ADAMTS16: variants seen among roughly 807,000 people sequenced by gnomAD.
The protein encoded by ADAMTS16 is ADAM metallopeptidase with thrombospondin type 1 motif 16.
ADAMTS16 carries 94 observed loss-of-function variants against 145.8 expected under a neutral mutation model. The observed-to-expected ratio is 0.64, with a 90% CI of 0.55 to 0.77. The LOEUF is 0.77. ADAMTS16 is among the 30% of genes least tolerant of loss of function. ADAMTS16 has a pLI of 0.00. For missense variants in ADAMTS16, 1,585 were observed against 1,591.5 expected (o/e 1.00, Z 0.07); for synonymous variants, 659 against 604.3 (o/e 1.09, Z -1.33).
At chr5:5,222,329 A>ATGGT (rs1247790302) in intron 10 of ADAMTS16, among the ~76,000 whole-genome samples, 11 of 151,700 alleles carry the variant, frequency 7.3e-5, no homozygotes, top group African/African-American at 2.4e-4. Context: ...GGATGGATGG[A>ATGGT]TGGATGGATG....
intron 2 of ADAMTS16, among the ~76,000 whole-genome samples, chr5:5,143,513 A>C (rs1340124680): frequency 1.3e-5 from 2 of 152,212 alleles, no homozygotes; most frequent in South Asian, 2.1e-4. Flanking sequence ...AAATAGGAAC[A>C]CTTTTACACA....
intron 21 of ADAMTS16, among the ~76,000 whole-genome samples, chr5:5,314,677 C>T (rs546317132): frequency 6.6e-6 from 1 of 152,280 alleles, no homozygotes; most frequent in East Asian, 1.9e-4. Flanking sequence ...AATGTGGAAG[C>T]TTTTCTCCCC....
chr5:5,309,340 C>T (rs1214703304), intron 21 of ADAMTS16, among the ~76,000 whole-genome samples: 1 of 151,762 alleles, frequency 6.6e-6, no homozygotes, highest in African/African-American at 2.4e-5. Flanking sequence ...ATTTTTTTTT[C>T]AAATATTTTT....
chr5:5,218,376 C>T (rs1462850275), intron 10 of ADAMTS16, among the ~76,000 whole-genome samples: 1 of 152,216 alleles, frequency 6.6e-6, no homozygotes, highest in South Asian at 2.1e-4. Flanking sequence ...TGTCACCCCT[C>T]TGCTCAAACC....
intron 2 of ADAMTS16, among the ~76,000 whole-genome samples, chr5:5,144,285 T>C (rs1488145905): frequency 6.6e-6 from 1 of 152,258 alleles, no homozygotes; most frequent in African/African-American, 2.4e-5. Flanking sequence ...CTTATTGCCC[T>C]GTGTTCCTTA....
chr5:5,146,555 T>G, intron 3 of ADAMTS16, 100 bp downstream of exon 3: 5 of 1,247,018 alleles, frequency 4.0e-6, no homozygotes, highest in Non-Finnish European at 5.5e-6. Flanking sequence ...GATGTTCTTC[T>G]AGTACTGCAG....
intron 21 of ADAMTS16, among the ~76,000 whole-genome samples, chr5:5,315,235 G>A (rs1319729703): frequency 2.6e-5 from 4 of 152,096 alleles, no homozygotes; most frequent in African/African-American, 9.7e-5. Context: ...AACAGCATGG[G>A]GGTAATTGCC....
intron 18 of ADAMTS16, among the ~76,000 whole-genome samples, chr5:5,278,500 C>T (rs1304113327): frequency 6.6e-6 from 1 of 152,192 alleles, no homozygotes; most frequent in Non-Finnish European, 1.5e-5. Context: ...GCAGAGCTCC[C>T]TGATTCTATC....
chr5:5,253,652 A>C (rs1449099633), intron 17 of ADAMTS16, among the ~76,000 whole-genome samples: 1 of 151,976 alleles, frequency 6.6e-6, no homozygotes, highest in Non-Finnish European at 1.5e-5. Context: ...TTGCGTTCCC[A>C]CCCAGGGACC....
chr5:5,180,481 C>T (rs755764341), intron 3 of ADAMTS16, among the ~76,000 whole-genome samples: 82 of 152,102 alleles, frequency 5.4e-4, no homozygotes, highest in Non-Finnish European at 1.1e-3. Context: ...GTGCAGAGAG[C>T]TATAAAAAGG....
intron 8 of ADAMTS16, among the ~76,000 whole-genome samples, chr5:5,199,779 C>A (rs900163496): frequency 6.6e-6 from 1 of 152,154 alleles, no homozygotes; most frequent in Non-Finnish European, 1.5e-5. Context: ...GAAACTCTAA[C>A]GATCCTGCTG....
At chr5:5,304,545 G>A (rs767608335) in intron 20 of ADAMTS16, among the ~76,000 whole-genome samples, 3 of 152,078 alleles carry the variant, frequency 2.0e-5, no homozygotes, top group Non-Finnish European at 4.4e-5. Context: ...GCTGTGGGAA[G>A]AAAGCTCCTC....
At position 5,242,207 on chromosome 5, in the gene ADAMTS16, T is replaced by G. The variant is rs1234148303; in HGVS notation, c.2662+16T>G. The G allele has an allele frequency of 6.2e-7, 1 of 1,612,326 alleles. No individual in the cohort carries two copies. Among genetic ancestry groups the G allele is most frequent in the Non-Finnish European group, 8.5e-7 (1 of 1,179,504 alleles). On this transcript the variant is annotated intron_variant, in intron 17 of 22. Coordinates refer to ENST00000274181, the MANE Select transcript of ADAMTS16 (RefSeq NM_139056.4). ...TGCGGAGGGGGTAGGTGCCTTCCAG[T>G]GCTGCTCCTGGAGGCAGCATGTCAG...
At chr5:5,298,921 G>T (rs1008876652) in intron 18 of ADAMTS16, among the ~76,000 whole-genome samples, 6 of 152,146 alleles carry the variant, frequency 3.9e-5, no homozygotes, top group Non-Finnish European at 7.3e-5. Context: ...CTGGACAGTT[G>T]TGACCCATAC....
rs79146002 is a variant in ADAMTS16, at chr5:5,142,764, A to G, written c.175+1998A>G. ...GTAATTACAAAATAGCAAAGAGAAC[A>G]AAGCTGGAGGTGTCACACACTACCT... On this transcript the variant is annotated intron_variant, in intron 2 of 22. Transcript: ENST00000274181. Among the ~76,000 whole-genome samples, 311 of 152,328 alleles carry G rather than the reference A, an allele frequency of 2.0e-3. 1 individual carries two copies. Among genetic ancestry groups the G allele is most frequent in the African/African-American group, 7.1e-3 (295 of 41,574 alleles).
At chr5:5,192,011 G>A (rs1735673874) in intron 8 of ADAMTS16, among the ~76,000 whole-genome samples, 1 of 151,992 alleles carries the variant, frequency 6.6e-6, no homozygotes. Context: ...TTTGAGACAG[G>A]CTCACTCTGT....
intron 17 of ADAMTS16, among the ~76,000 whole-genome samples, chr5:5,253,512 G>C (rs113687213): frequency 2.6e-5 from 4 of 152,308 alleles, no homozygotes; most frequent in African/African-American, 9.6e-5. Flanking sequence ...AGGGATGACT[G>C]ACAGAAGGGG....
chr5:5,307,128 TAGC>T (rs947628471), intron 21 of ADAMTS16, among the ~76,000 whole-genome samples: 1 of 152,172 alleles, frequency 6.6e-6, no homozygotes, highest in African/African-American at 2.4e-5. Flanking sequence ...ATCGGGTCGC[TAGC>T]AGCCTCATGC....
At chr5:5,267,938 C>T (rs1180641858) in intron 18 of ADAMTS16, among the ~76,000 whole-genome samples, 5 of 152,244 alleles carry the variant, frequency 3.3e-5, no homozygotes, top group East Asian at 1.9e-4. Context: ...GCCTGGCTCA[C>T]GTGGGACCTT....
Sources: allele counts gnomAD v4.1 joint callset (sites outside exome capture counted in the v4.1 genomes callset), GRCh38; gene constraint gnomAD v4.1.1; transcripts MANE v1.5; gene names NCBI Gene and HGNC (gene_info 2026-07-23, HGNC 2026-07-21).